Variants in MXRA8 observed in about 807,000 individuals in gnomAD.
MXRA8 encodes the protein matrix remodeling associated 8.
In MXRA8, 44 loss-of-function variants were observed where a neutral mutation model predicts 51.4. The ratio of observed to expected loss-of-function variants is 0.86; its 90% CI spans 0.67 to 1.10. The LOEUF is 1.10. Ranked by LOEUF, MXRA8 falls within the 50% of genes least tolerant of loss-of-function variation. The pLI is 0.00. For synonymous variants in MXRA8, 369 were observed against 293.5 expected, an observed-to-expected ratio of 1.26 and a Z score of -2.63; for missense variants, 765 against 638.9, an observed-to-expected ratio of 1.20 and a Z score of -2.13.
intron 1 of MXRA8, among the ~76,000 whole-genome samples, chr1:1,357,081 C>T (rs989396826): frequency 2.6e-5 from 4 of 152,160 alleles, no homozygotes; most frequent in African/African-American, 7.2e-5. Context: ...CCCCAGCCCC[C>T]GAGGGTCCTT....
upstream of MXRA8, among the ~76,000 whole-genome samples, chr1:1,360,507 T>TGGGCGGGGGGGGGGGC (rs75605518): frequency 6.8e-6 from 1 of 147,740 alleles, no homozygotes. Context: ...CGCTGGGGGG[T>TGGGCGGGGGGGGGGGC]GGTCTGCAGA....
At position 1,354,353 on chromosome 1, in the gene MXRA8, C is replaced by A. The variant is rs367760962; in HGVS notation, c.1105+1G>T. On this transcript the variant is annotated splice_donor_variant, in intron 6 of 9. Transcript: ENST00000309212. LOFTEE classifies it high-confidence loss of function. Reference sequence around the variant, plus strand: ...CGCTGGCTTTGCCGGGGCAGCCTCACCTCCGCGGCGCCTGCGGGCGGCCAG... The same window carrying A: ...CGCTGGCTTTGCCGGGGCAGCCTCAACTCCGCGGCGCCTGCGGGCGGCCAG... 2 of 1,609,646 alleles carry A rather than the reference C, an allele frequency of 1.2e-6. No individual in the cohort carries two copies. Among genetic ancestry groups the A allele is most frequent in the Non-Finnish European group, 1.7e-6 (2 of 1,178,680 alleles).
chr1:1,358,980 A>C, upstream of MXRA8: 1 of 985,302 alleles, frequency 1.0e-6, no homozygotes. Flanking sequence ...CAGCGCTGAG[A>C]CCGCCCCCAC....
rs201133662 is a variant in MXRA8, at chr1:1,358,518, C to G, written c.-14G>C. 1 of 1,612,110 alleles carries G rather than the reference C, an allele frequency of 6.2e-7. No individual in the cohort carries two copies. The highest frequency in any genetic ancestry group is 8.5e-7 in the Non-Finnish European group (1 of 1,179,086). On this transcript the variant is annotated 5_prime_UTR_variant, in exon 1 of 10. Transcript: ENST00000309212. ...TGGCAGCGCCATGGCCCCCGCCCAG[C>G]CCCAGGCTTTGTCCCACTCGGCTCT...
upstream of MXRA8, chr1:1,359,424 C>T: frequency 3.0e-6 from 3 of 985,454 alleles, no homozygotes; most frequent in Non-Finnish European, 3.6e-6. Flanking sequence ...GCAAACCCAA[C>T]TCCTTCTAAT....
Position 1,355,686 on chromosome 1 carries a change from C to T in MXRA8, c.140G>A (p.Gly47Asp), listed in dbSNP as rs1428291404. Reference sequence around the variant, plus strand: ...CTGGCAGCGCAGCACCGCCCGGGCGCCCGCCTCCCAGCTCACCGCGGACTC... The same window carrying T: ...CTGGCAGCGCAGCACCGCCCGGGCGTCCGCCTCCCAGCTCACCGCGGACTC... ...VSESAVSWEA[G>D]ARAVLRCQSP... The change falls in exon 3 of 10, where the codon GGC (glycine) becomes GAC (aspartate). Residue 47 changes from glycine (G) to aspartate (D), a missense_variant. Transcript: ENST00000309212. The T allele has an allele frequency of 7.4e-7, 1 of 1,352,070 alleles. No homozygotes were observed. The highest frequency in any genetic ancestry group is 9.4e-7 in the Non-Finnish European group (1 of 1,058,474). 83.8% of individuals were successfully genotyped at this position (1,352,070 alleles called of 1,614,324 possible).
Position 1,353,433 on chromosome 1 carries a change from A to G in MXRA8, c.*171T>C. ...AGGGGTGGGGGCTATGCTGCCACCA[A>G]GCCCCTGGGAGAGGGGTGTGGAGGC... is the stretch of plus-strand genomic sequence containing the variant. On this transcript the variant is annotated 3_prime_UTR_variant, in exon 10 of 10. Coordinates refer to ENST00000309212, the MANE Select transcript of MXRA8 (RefSeq NM_032348.4). 6.6e-7 allele frequency: 1 copy of G among 1,511,312 alleles called. No homozygotes were observed. Among genetic ancestry groups the G allele is most frequent in the South Asian group, 1.2e-5 (1 of 80,046 alleles). 93.6% of individuals were successfully genotyped at this position (1,511,312 alleles called of 1,614,324 possible).
At chr1:1,360,455 C>T (rs1029105030), upstream of MXRA8, among the ~76,000 whole-genome samples, 1 of 123,584 alleles carries the variant, frequency 8.1e-6, no homozygotes, top group Non-Finnish European at 1.6e-5. Context: ...TGACCTGTGC[C>T]TCTTCTGCAC....
upstream of MXRA8, among the ~76,000 whole-genome samples, chr1:1,363,047 C>T (rs1425791772): frequency 6.6e-6 from 1 of 151,548 alleles, no homozygotes; most frequent in Admixed American, 6.6e-5. Context: ...TGCACCACTG[C>T]ACTCCAGCCT....
intron 2 of MXRA8, 40 bp from the exon 3 acceptor site, chr1:1,355,792 C>T: frequency 2.6e-6 from 3 of 1,154,430 alleles, no homozygotes; most frequent in South Asian, 2.9e-5. Context: ...GGGGTGGGCC[C>T]CCTAGGGCCC....
At chr1:1,359,273 C>A, upstream of MXRA8, 1 of 985,384 alleles carries the variant, frequency 1.0e-6, no homozygotes, top group Non-Finnish European at 1.2e-6. Flanking sequence ...AGCCTGGTGT[C>A]CCTGAAACCA....
rs775632584 is a variant in MXRA8, at chr1:1,353,570, C to A, written c.*34G>T. 1 of 1,555,294 alleles carries A rather than the reference C, an allele frequency of 6.4e-7. No individual in the cohort carries two copies. Among genetic ancestry groups the A allele is most frequent in the South Asian group, 1.2e-5 (1 of 84,416 alleles). ...CCGAGGAGCACAGACAGGAGAGGTG[C>A]AGCTGCTGGCCCAGCCAGGAGCCCA... On this transcript the variant is annotated 3_prime_UTR_variant, in exon 10 of 10. Transcript: ENST00000309212.
Position 1,353,281 on chromosome 1 carries a change from A to T in MXRA8, c.*323T>A. The T allele has an allele frequency of 6.5e-7, 1 of 1,543,190 alleles. No homozygotes were observed. Among genetic ancestry groups the T allele is most frequent in the Non-Finnish European group, 8.8e-7 (1 of 1,140,630 alleles). On this transcript the variant is annotated 3_prime_UTR_variant, in exon 10 of 10. Coordinates refer to ENST00000309212, the MANE Select transcript of MXRA8 (RefSeq NM_032348.4). ...TTTGGGGCTGCCAGGTTCTGATGGG[A>T]GTGTCCTCCAGGAATGTCTTCAGGC...
upstream of MXRA8, chr1:1,359,141 T>G: frequency 4.1e-6 from 4 of 985,316 alleles, no homozygotes; most frequent in Non-Finnish European, 4.8e-6. Context: ...CTAGTCCCCT[T>G]TACAACCTGG....
rs1490093932 is a variant in MXRA8 at position 1,355,730 on chromosome 1, A to G, written c.96T>C (p.Ala32=). 6.3e-6 allele frequency: 7 copies of G among 1,118,432 alleles called. No homozygotes were observed. Among genetic ancestry groups the G allele is most frequent in the Non-Finnish European group, 7.7e-6 (7 of 913,628 alleles). 69.3% of individuals were successfully genotyped at this position (1,118,432 alleles called of 1,614,324 possible). The change falls in exon 3 of 10, where the codon GCT becomes GCC. Residue 32 remains alanine (A), a synonymous_variant. Transcript: ENST00000309212. ...LHSGSSVPAA[A]GSSVVSESAV... ...CGGACTCGGACACCACGGAGCTGCC[A>G]GCAGCGGCGGGTACCGAGGACCCTG...
At chr1:1,362,088 C>T (rs1272653824), upstream of MXRA8, among the ~76,000 whole-genome samples, 1 of 152,234 alleles carries the variant, frequency 6.6e-6, no homozygotes, top group East Asian at 1.9e-4. Context: ...CCTGCTGATC[C>T]TGACCAGCGT....
Position 1,353,531 on chromosome 1 carries a change from C to A in MXRA8, c.*73G>T. On this transcript the variant is annotated 3_prime_UTR_variant, in exon 10 of 10. Coordinates refer to ENST00000309212, the MANE Select transcript of MXRA8 (RefSeq NM_032348.4). ...GCTGGAAGGGGGGTGAGCCCCGGAG[C>A]ATCAGGAGATGCCCCGAGGAGCACA... 6.5e-7 allele frequency: 1 copy of A among 1,531,792 alleles called. No homozygotes were observed. The allele number at this position is 1,531,792 out of a possible 1,614,324, so 94.9% of individuals were successfully genotyped here.
chr1:1,354,729 C>A lies in MXRA8; in HGVS notation c.902G>T (p.Arg301Leu). The A allele has an allele frequency of 1.9e-6, 3 of 1,606,684 alleles. No homozygotes were observed. Among genetic ancestry groups the A allele is most frequent in the Non-Finnish European group, 2.5e-6 (3 of 1,177,462 alleles). ...GCTGGAGCCGTTGCCCGGAGAGCCC[C>A]GGGGGGGCGGCTCCGCGTGGGGTTC... ...VAEPHAEPPP[R>L]GSPGNGSSHS... Residue 301 changes from arginine (R) to leucine (L), a missense_variant, in exon 5 of 10, where the codon CGG becomes CTG. By Grantham distance (102) the Arg-to-Leu change is moderately radical. Transcript: ENST00000309212.
upstream of MXRA8, among the ~76,000 whole-genome samples, chr1:1,363,420 G>A (rs1331360811): frequency 2.0e-5 from 3 of 151,774 alleles, no homozygotes; most frequent in Admixed American, 6.6e-5. Context: ...GATTACAGGC[G>A]AGATCCATCA....
Sources: gnomAD v4.1 joint callset for allele counts (sites outside exome capture counted in the v4.1 genomes callset) on GRCh38, gnomAD v4.1.1 for gene constraint, MANE v1.5 for transcripts, NCBI Gene and HGNC (gene_info 2026-07-23, HGNC 2026-07-21) for gene names.